The following MYO9B variants were observed in gnomAD, a reference collection of about 807,000 sequenced individuals.
MYO9B encodes myosin IXB, also known as unconventional myosin-IXb.
In MYO9B, 71 loss-of-function variants were observed where a neutral mutation model predicts 229.5. The ratio of observed to expected loss-of-function variants is 0.31; its 90% CI spans 0.26 to 0.38. The LOEUF is 0.38. Among genes scored for constraint, MYO9B ranks in the 10% least tolerant of loss-of-function variants. The probability of loss-of-function intolerance (pLI) is 1.00; values close to 1 mark genes in which losing one functional copy is unlikely to be tolerated. For missense variants in MYO9B, 2,255 were observed against 2,920.5 expected, an observed-to-expected ratio of 0.77 and a Z score of 5.25; for synonymous variants, 1,185 against 1,235.8, an observed-to-expected ratio of 0.96 and a Z score of 0.86.
intron 2 of MYO9B, among the ~76,000 whole-genome samples, chr19:17,119,944 G>A (rs1401147138): frequency 2.0e-5 from 3 of 152,086 alleles, no homozygotes; most frequent in Non-Finnish European, 4.4e-5. Flanking sequence ...CATTGCGCCC[G>A]GCCAAGCTCG....
intron 26 of MYO9B, among the ~76,000 whole-genome samples, chr19:17,201,709 C>A (rs1340007115): frequency 3.3e-5 from 5 of 152,116 alleles, no homozygotes; most frequent in Admixed American, 3.3e-4. Flanking sequence ...GTACACAGGG[C>A]AGGCCCCAAT....
intron 1 of MYO9B, among the ~76,000 whole-genome samples, chr19:17,100,299 A>G (rs1222357773): frequency 2.0e-5 from 3 of 149,818 alleles, no homozygotes; most frequent in African/African-American, 7.4e-5. Context: ...GCAAAACCCC[A>G]TCTCTACTTA....
At chr19:17,097,542 A>G (rs189793165) in intron 1 of MYO9B, among the ~76,000 whole-genome samples, 54 of 152,300 alleles carry the variant, frequency 3.5e-4, no homozygotes, top group African/African-American at 1.2e-3. Context: ...GTATATATCT[A>G]TTTCCCTGGG....
At chr19:17,131,587 C>T (rs1406329848) in intron 2 of MYO9B, among the ~76,000 whole-genome samples, 1 of 152,000 alleles carries the variant, frequency 6.6e-6, no homozygotes, top group Non-Finnish European at 1.5e-5. Context: ...TAATTCTTCT[C>T]TAACTTTCTC....
At chr19:17,155,961 C>T (rs1377352578) in intron 6 of MYO9B, among the ~76,000 whole-genome samples, 2 of 150,430 alleles carry the variant, frequency 1.3e-5, no homozygotes, top group East Asian at 2.0e-4. Context: ...CAGAGGCTGC[C>T]GTGAGCCGAG....
At chr19:17,199,894 T>A (rs1402895255) in intron 24 of MYO9B, among the ~76,000 whole-genome samples, 2 of 150,674 alleles carry the variant, frequency 1.3e-5, no homozygotes, top group African/African-American at 4.9e-5. Context: ...AGACAGAGTC[T>A]CACTCTGTCA....
At position 17,210,829 on chromosome 19, in the gene MYO9B, C is replaced by T; in HGVS notation, c.5911C>T (p.Gln1971Ter). The T allele has an allele frequency of 6.3e-7, 1 of 1,599,210 alleles. No homozygotes were observed. The stretch of plus-strand genomic sequence containing the variant: ...AAAGGAGATTCTCATTGAACGGATC[C>T]AGTCCATCAAGGAGGAGAAGCAAGT... ...REKEILIERI[Q>*]SIKEEKEDIT... is the part of the protein sequence containing the mutation. Residue 1971 changes from glutamine to a stop codon, truncating the protein, a stop_gained, in exon 38 of 40, where the codon CAG becomes TAG. Transcript: ENST00000682292. LOFTEE classifies it high-confidence loss of function.
At chr19:17,134,336 T>A (rs1188645479) in intron 2 of MYO9B, among the ~76,000 whole-genome samples, 2 of 151,334 alleles carry the variant, frequency 1.3e-5, no homozygotes, top group African/African-American at 4.9e-5. Context: ...TCATCCATGT[T>A]GTTGCAAATG....
At chr19:17,105,548 A>G (rs1283331141) in intron 2 of MYO9B, among the ~76,000 whole-genome samples, 1 of 151,978 alleles carries the variant, frequency 6.6e-6, no homozygotes, top group Non-Finnish European at 1.5e-5. Context: ...TTGAGAGCTC[A>G]TTTCTTTTGC....
rs545139299 is a variant in MYO9B at position 17,137,757 on chromosome 19, T to A, written c.841-7640T>A. On this transcript the variant is annotated intron_variant, in intron 2 of 39. Transcript: ENST00000682292. ...CTCCCATGGTCAGATCCTTTTTTTT[T>A]ATTTGAAACAGAGTCTCGCTCTGTC... Among the ~76,000 whole-genome samples the A allele has an allele frequency of 2.7e-4, 41 of 152,034 alleles. 1 individual carries two copies. Among genetic ancestry groups the A allele is most frequent in the Admixed American group, 2.6e-3 (40 of 15,242 alleles).
chr19:17,145,730 G>A (rs895595264), intron 3 of MYO9B, among the ~76,000 whole-genome samples: 3 of 152,128 alleles, frequency 2.0e-5, no homozygotes, highest in African/African-American at 7.2e-5. Context: ...CCGAGAACAG[G>A]CAAGGACAGC....
chr19:17,140,417 AT>A (rs771765731), intron 2 of MYO9B, among the ~76,000 whole-genome samples: 1 of 151,924 alleles, frequency 6.6e-6, no homozygotes, highest in Non-Finnish European at 1.5e-5. Flanking sequence ...AATCCCATTC[AT>A]GAGGGCCCCA....
At position 17,101,676 on chromosome 19, in the gene MYO9B, C is replaced by T. The variant is rs941261942; in HGVS notation, c.-42C>T. On this transcript the variant is annotated 5_prime_UTR_variant, in exon 2 of 40. Transcript: ENST00000682292. This position sits in a 1 kb window ranked among gnomAD's most constrained non-coding sequence, Gnocchi z 4.7. Reference sequence around the variant, plus strand: ...CCCTTCTAGCTCCAGGACACGCGCGCCCCGAGCCTGGGAGGCATGCTGAAG... The same window carrying T: ...CCCTTCTAGCTCCAGGACACGCGCGTCCCGAGCCTGGGAGGCATGCTGAAG... 3.3e-6 allele frequency: 5 copies of T among 1,514,574 alleles called. No individual in the cohort carries two copies. Among genetic ancestry groups the T allele is most frequent in the Non-Finnish European group, 4.4e-6 (5 of 1,135,104 alleles). 93.8% of individuals were successfully genotyped at this position (1,514,574 alleles called of 1,614,324 possible).
At chr19:17,190,979 G>A in intron 19 of MYO9B, 118 bp from the exon 20 acceptor site, 1 of 1,106,130 alleles carries the variant, frequency 9.0e-7, no homozygotes. Context: ...TTTTAGATTT[G>A]TCATTACCAT....
intron 2 of MYO9B, among the ~76,000 whole-genome samples, chr19:17,127,797 C>T (rs1312612276): frequency 6.6e-6 from 1 of 152,224 alleles, no homozygotes; most frequent in Non-Finnish European, 1.5e-5. Context: ...CGCTTTCCTG[C>T]CACATTGGCA....
intron 2 of MYO9B, among the ~76,000 whole-genome samples, chr19:17,111,470 GT>G (rs1181172937): frequency 6.6e-6 from 1 of 152,080 alleles, no homozygotes. Flanking sequence ...TATATCTGCA[GT>G]TTATAAATCT....
intron 2 of MYO9B, among the ~76,000 whole-genome samples, chr19:17,140,334 GTGTTTTTTCCCA>G (rs1249204210): frequency 6.6e-6 from 1 of 152,100 alleles, no homozygotes; most frequent in Non-Finnish European, 1.5e-5. Flanking sequence ...TTCATTGATG[GTGTTTTTTCCCA>G]TGTCCTCACA....
chr19:17,183,666 A>C, intron 15 of MYO9B, 163 bp from the exon 16 acceptor site: 1 of 614,190 alleles, frequency 1.6e-6, no homozygotes, highest in Non-Finnish European at 2.9e-6. Context: ...CACGGTGTGC[A>C]GCGTGGAGAG....
chr19:17,182,649 G>A (rs746296249), intron 15 of MYO9B, among the ~76,000 whole-genome samples: 5 of 151,696 alleles, frequency 3.3e-5, no homozygotes, highest in African/African-American at 7.3e-5. Flanking sequence ...CAAATGATCC[G>A]CCCACCTCGG....
Sources: gnomAD v4.1 joint callset for allele counts (sites outside exome capture counted in the v4.1 genomes callset) on GRCh38, gnomAD v4.1.1 for gene constraint, Gnocchi (gnomAD v3.1) non-coding constraint, MANE v1.5 for transcripts, NCBI Gene and HGNC (gene_info 2026-07-23, HGNC 2026-07-21) for gene names.